Variants in MYH14 observed in about 807,000 individuals in gnomAD.
The protein encoded by MYH14 is myosin-14.
A neutral mutation model predicts 255.5 loss-of-function variants in MYH14; 123 were observed. The ratio of observed to expected loss-of-function variants is 0.48; its 90% CI spans 0.42 to 0.56. MYH14 has a LOEUF of 0.56. Among genes scored for constraint, MYH14 ranks in the 20% least tolerant of loss-of-function variants. The pLI is 0.00. For synonymous variants in MYH14, 1,095 were observed against 1,161.2 expected (o/e 0.94, Z 1.16); for missense variants, 2,423 against 2,802.3 (o/e 0.86, Z 3.06).
rs970135656 is a variant in MYH14 at position 50,276,327 on chromosome 19, G to A, written c.3680+124G>A. On this transcript the variant is annotated intron_variant, in intron 28 of 42. Transcript: ENST00000642316. This position sits in a 1 kb window ranked among gnomAD's most constrained non-coding sequence, Gnocchi z 4.3. ...TTGTACAGTTGTTCATGAACCACCGGCTCTAGGTCCGGCCTGGGTCAAGCT... is the reference window on the plus strand; with the variant it reads ...TTGTACAGTTGTTCATGAACCACCGACTCTAGGTCCGGCCTGGGTCAAGCT... 1.2e-5 allele frequency: 10 copies of A among 833,358 alleles called. No individual in the cohort carries two copies. The African/African-American group carries it at 1.7e-4, about 14-fold the overall frequency. 51.6% of individuals were successfully genotyped at this position (833,358 alleles called of 1,614,324 possible).
intron 39 of MYH14, among the ~76,000 whole-genome samples, chr19:50,296,875 G>A (rs2036284972): frequency 2.5e-5 from 2 of 79,326 alleles, no homozygotes; most frequent in Admixed American, 1.7e-4. Flanking sequence ...CAACAGCAAC[G>A]TTTTAAAAAA....
Position 50,309,892 on chromosome 19 carries a change from C to T in MYH14, c.*102C>T. 1.6e-6 allele frequency: 2 copies of T among 1,278,554 alleles called. No individual in the cohort carries two copies. Among genetic ancestry groups the T allele is most frequent in the Non-Finnish European group, 2.2e-6 (2 of 899,410 alleles). The allele number at this position is 1,278,554 out of a possible 1,614,324, so 79.2% of individuals were successfully genotyped here. On this transcript the variant is annotated 3_prime_UTR_variant, in exon 43 of 43. Transcript: ENST00000642316. ...AGGAACCCCGCCCTCTGACTTCTTG[C>T]CCTTTGGAAATGGTGCAGCACTCTG...
chr19:50,294,434 ATTTTT>A (rs35542007), intron 39 of MYH14, among the ~76,000 whole-genome samples: 4 of 134,524 alleles, frequency 3.0e-5, no homozygotes, highest in Admixed American at 7.7e-5. Context: ...TTTTTTTCTA[ATTTTT>A]TTTTTTTTTT....
rs941078670 is a variant in MYH14, at chr19:50,210,703, T to C, written c.338T>C (p.Leu113Pro). 1 of 1,569,814 alleles carries C rather than the reference T, an allele frequency of 6.4e-7. No individual in the cohort carries two copies. Among genetic ancestry groups the C allele is most frequent in the Non-Finnish European group, 8.6e-7 (1 of 1,159,546 alleles). ...KFSKAEDMAELTCLNEASVLH... is the reference protein window; with the variant it reads ...KFSKAEDMAEPTCLNEASVLH... ...AGCAAGGCCGAGGACATGGCCGAGC[T>C]GACCTGCCTCAACGAGGCCTCGGTC... The change falls in exon 2 of 43, where the codon CTG (leucine) becomes CCG (proline). Residue 113 changes from leucine to proline, a missense_variant. Leu to Pro is a moderately conservative substitution (Grantham distance 98). This residue lies in a region of MYH14 where 238 missense variants were observed against 245.8 expected (regional missense o/e 0.97). Coordinates refer to ENST00000642316, the MANE Select transcript of MYH14 (RefSeq NM_001145809.2).
At chr19:50,302,424 A>G (rs1179221031) in intron 40 of MYH14, among the ~76,000 whole-genome samples, 2 of 151,546 alleles carry the variant, frequency 1.3e-5, no homozygotes, top group Admixed American at 1.3e-4. Flanking sequence ...TCTACCAAAA[A>G]ACACCAAAAT....
intron 11 of MYH14, among the ~76,000 whole-genome samples, chr19:50,245,433 G>C (rs114770487): frequency 7.7e-6 from 1 of 129,442 alleles, no homozygotes; most frequent in Non-Finnish European, 1.6e-5. Flanking sequence ...AAAAAAAAAA[G>C]AAGAAGAAAG....
chr19:50,303,054 C>T (rs923363318), intron 40 of MYH14, among the ~76,000 whole-genome samples: 6 of 152,174 alleles, frequency 3.9e-5, no homozygotes, highest in Admixed American at 2.6e-4. Flanking sequence ...TACGTAATAA[C>T]GTGCCAGTTA....
intron 27 of MYH14, among the ~76,000 whole-genome samples, chr19:50,274,409 C>T (rs2035429717): frequency 1.3e-5 from 2 of 152,158 alleles, no homozygotes; most frequent in Non-Finnish European, 2.9e-5. Context: ...ATTCTCCTGC[C>T]TCAGCCTCCC....
At chr19:50,264,087 TAAA>T (rs34326325) in intron 22 of MYH14, among the ~76,000 whole-genome samples, 5 of 108,704 alleles carry the variant, frequency 4.6e-5, no homozygotes, top group Non-Finnish European at 3.8e-5. Context: ...GAGCAAAGGT[TAAA>T]AAAAAAAAAA....
chr19:50,267,166 C>G (rs1212778881), intron 23 of MYH14, among the ~76,000 whole-genome samples, 158 bp downstream of exon 23: 1 of 146,822 alleles, frequency 6.8e-6, no homozygotes, highest in Non-Finnish European at 1.5e-5. Context: ...GTACTGAGGC[C>G]GGGCGGGGAT....
chr19:50,228,315 A>G (rs2033208293), intron 8 of MYH14, among the ~76,000 whole-genome samples: 1 of 152,050 alleles, frequency 6.6e-6, no homozygotes, highest in Admixed American at 6.6e-5. Context: ...AATTAGCAAT[A>G]TCTGTATCAA....
intron 22 of MYH14, among the ~76,000 whole-genome samples, chr19:50,265,144 T>C (rs968928476): frequency 2.0e-5 from 3 of 152,228 alleles, no homozygotes; most frequent in Non-Finnish European, 4.4e-5. Context: ...GCCAGATGGC[T>C]GTTTTTGCAA....
intron 39 of MYH14, among the ~76,000 whole-genome samples, chr19:50,294,726 G>C (rs1378184794): frequency 4.5e-5 from 5 of 109,970 alleles, no homozygotes; most frequent in Admixed American, 1.1e-4. Flanking sequence ...GACAGAGTGA[G>C]ACCCTGTCTC....
rs1227283381 is a variant in MYH14, at chr19:50,293,532, C to T, written c.5346-32C>T. 1 of 1,610,898 alleles carries T rather than the reference C, an allele frequency of 6.2e-7. No individual in the cohort carries two copies. The highest frequency in any genetic ancestry group is 1.3e-5 in the African/African-American group (1 of 74,952). ...AGGCACCCTCCTCTGACCATCCTGT[C>T]CTTTCATCCCCACGCCTTCCTGTCT... On this transcript the variant is annotated intron_variant, in intron 38 of 42. Transcript: ENST00000642316. This position sits in a 1 kb window ranked among gnomAD's most constrained non-coding sequence, Gnocchi z 4.1.
chr19:50,278,538 A>AG (rs1555773891), intron 30 of MYH14, among the ~76,000 whole-genome samples: 1 of 99,826 alleles, frequency 1.0e-5, no homozygotes, highest in Non-Finnish European at 2.3e-5. Context: ...CCATCTTCAG[A>AG]AAAAAAAAAA....
intron 23 of MYH14, among the ~76,000 whole-genome samples, chr19:50,267,645 A>AATG (rs974662043): frequency 2.0e-5 from 3 of 151,668 alleles, no homozygotes; most frequent in African/African-American, 7.3e-5. Context: ...TAATAATAAT[A>AATG]ATGCTAGAAC....
chr19:50,254,960 T>C (rs1206714255), intron 16 of MYH14, among the ~76,000 whole-genome samples: 2 of 152,250 alleles, frequency 1.3e-5, no homozygotes, highest in Admixed American at 6.5e-5. Flanking sequence ...AGAGATTTTT[T>C]ATTCTTTGCA....
At chr19:50,255,408 C>G (rs1214991642) in intron 17 of MYH14, 90 bp downstream of exon 17, 1 of 949,260 alleles carries the variant, frequency 1.1e-6, no homozygotes, top group Non-Finnish European at 1.6e-6. Flanking sequence ...ACATCTGTCC[C>G]CTCTCCTCTT....
intron 10 of MYH14, 26 bp from the exon 11 acceptor site, chr19:50,244,216 C>T (rs748524154): frequency 5.6e-5 from 90 of 1,606,642 alleles, no homozygotes; most frequent in Non-Finnish European, 7.1e-5. Context: ...CAGAGCCACA[C>T]GTGACCTCTG....
Sources: allele counts gnomAD v4.1 joint callset (sites outside exome capture counted in the v4.1 genomes callset), GRCh38; gene constraint gnomAD v4.1.1; regional missense constraint gnomAD v4.1.1; non-coding constraint Gnocchi (gnomAD v3.1); transcripts MANE v1.5; gene names NCBI Gene and HGNC (gene_info 2026-07-23, HGNC 2026-07-21).